ECT2: variants seen among roughly 807,000 people sequenced by gnomAD.
The protein encoded by ECT2 is protein ECT2.
In ECT2, 61 loss-of-function variants were observed where a neutral mutation model predicts 116.9. The ratio of observed to expected loss-of-function variants is 0.52; its 90% confidence interval spans 0.42 to 0.65. The LOEUF (loss-of-function observed/expected upper bound fraction) is 0.65, where lower values mean the gene tolerates loss of function less well. Ranked by LOEUF, ECT2 falls within the 30% of genes least tolerant of loss-of-function variation. The probability of loss-of-function intolerance (pLI) is 0.00; values close to 1 mark genes in which losing one functional copy is unlikely to be tolerated. For missense variants in ECT2, 937 were observed against 1,078.7 expected (o/e 0.87, Z 1.84); for synonymous variants, 358 against 346.4 (o/e 1.03, Z -0.37).
chr3:172,751,878 T>C (rs1008968330), intron 1 of ECT2, among the ~76,000 whole-genome samples: 1 of 152,220 alleles, frequency 6.6e-6, no homozygotes, highest in African/African-American at 2.4e-5. Context: ...TTTCCATTTC[T>C]AATCTGACTG....
At chr3:172,810,595 AG>A (rs1728597422) in intron 22 of ECT2, among the ~76,000 whole-genome samples, 1 of 152,136 alleles carries the variant, frequency 6.6e-6, no homozygotes, top group African/African-American at 2.4e-5. Flanking sequence ...AGAAGCTCTA[AG>A]TTATAGAGTT....
intron 21 of ECT2, 60 bp from the exon 22 acceptor site, chr3:172,807,710 A>G (rs1178102361): frequency 4.5e-6 from 7 of 1,539,484 alleles, no homozygotes; most frequent in South Asian, 2.5e-5. Flanking sequence ...CTAAACTTGC[A>G]TACATCTGTC....
chr3:172,818,913 G>GAATTCAC (rs1730258896), intron 24 of ECT2: 1 of 1,003,070 alleles, frequency 1.0e-6, no homozygotes, highest in African/African-American at 1.7e-5. Context: ...GGGAACTTTG[G>GAATTCAC]AATTCACAAT....
chr3:172,791,191 A>G (rs1396770035), intron 18 of ECT2, among the ~76,000 whole-genome samples: 1 of 152,236 alleles, frequency 6.6e-6, no homozygotes, highest in Non-Finnish European at 1.5e-5. Flanking sequence ...ATGTGCTGTC[A>G]TCCATGCTTT....
At chr3:172,771,316 G>GACCTTACC (rs1720593980) in intron 13 of ECT2, 1 of 152,190 alleles carries the variant, frequency 6.6e-6, no homozygotes, top group Non-Finnish European at 1.5e-5. Flanking sequence ...CTAGGGAAAG[G>GACCTTACC]TAAGTCTGAG....
chr3:172,760,302 C>A, intron 7 of ECT2, 39 bp downstream of exon 7: 1 of 1,287,090 alleles, frequency 7.8e-7, no homozygotes, highest in Non-Finnish European at 1.1e-6. Context: ...TTCAATACAG[C>A]ATTATTTTGG....
chr3:172,806,651 G>GTTTT (rs71162314), intron 21 of ECT2, among the ~76,000 whole-genome samples: 1 of 77,546 alleles, frequency 1.3e-5, no homozygotes, highest in African/African-American at 5.1e-5. Flanking sequence ...TTTTTTGTGG[G>GTTTT]TTTTTTTTTT....
At chr3:172,818,828 C>T (rs1730239343) in intron 24 of ECT2, 3 of 1,141,888 alleles carry the variant, frequency 2.6e-6, no homozygotes, top group East Asian at 6.7e-5. Flanking sequence ...AGCTTATTAG[C>T]TATTTAAAAT....
intron 7 of ECT2, among the ~76,000 whole-genome samples, chr3:172,760,712 C>CTT (rs60727631): frequency 0.017 from 1,287 of 76,214 alleles, 245 homozygotes; most frequent in African/African-American, 0.038. Flanking sequence ...GTCTAAGTGC[C>CTT]TTTTTTTTTT....
chr3:172,828,935 G>T, the ECT2 span: 4 of 1,467,674 alleles, frequency 2.7e-6, no homozygotes, highest in Admixed American at 1.7e-5. Context: ...CCCTGAACCA[G>T]CCACACCAAC....
chr3:172,826,941 C>T, the ECT2 span, among the ~76,000 whole-genome samples: 1 of 152,028 alleles, frequency 6.6e-6, no homozygotes, highest in Admixed American at 6.5e-5. Flanking sequence ...TTAAGTAATT[C>T]AATAGGAAAA....
chr3:172,752,472 G>A (rs1716079191), intron 1 of ECT2: 1 of 151,848 alleles, frequency 6.6e-6, no homozygotes, highest in African/African-American at 2.4e-5. Context: ...CCTTAAAGCA[G>A]GTTAGCTCAT....
In ECT2 at chr3:172,764,405, T is replaced by G; in HGVS notation, c.1196T>G (p.Phe399Cys). The change falls in exon 12 of 25, where the codon TTT becomes TGT. Residue 399 changes from phenylalanine to cysteine, a missense_variant. Physicochemically the swap from Phe to Cys is radical, Grantham distance 205. Transcript: ENST00000392692. ...TCAAGAGAGACAGACGTGTCACCAT[T>G]TCCACCCCGTAAGCGCCCATCAGCT... ...QLSRETDVSP[F>C]PPRKRPSAEH... The G allele has an allele frequency of 6.2e-7, 1 of 1,614,128 alleles. No individual in the cohort carries two copies. The highest frequency in any genetic ancestry group is 8.5e-7 in the Non-Finnish European group (1 of 1,179,992).
At chr3:172,824,238 G>A (rs1205903481), downstream of ECT2, among the ~76,000 whole-genome samples, 1 of 152,174 alleles carries the variant, frequency 6.6e-6, no homozygotes, top group East Asian at 1.9e-4. Flanking sequence ...AATTTATAAA[G>A]AAAAGAGATT....
chr3:172,809,598 C>T (rs1024257991), intron 22 of ECT2, among the ~76,000 whole-genome samples: 40 of 145,906 alleles, frequency 2.7e-4, no homozygotes, highest in East Asian at 8.0e-4. Context: ...CACACACACA[C>T]GCACACACAC....
chr3:172,815,039 G>T (rs186506025), intron 22 of ECT2, among the ~76,000 whole-genome samples: 3 of 152,258 alleles, frequency 2.0e-5, no homozygotes, highest in Admixed American at 2.0e-4. Flanking sequence ...TGAGGTCTTT[G>T]ATTCCTTTGG....
chr3:172,823,138 T>G (rs1229859050), downstream of ECT2, among the ~76,000 whole-genome samples: 1 of 152,138 alleles, frequency 6.6e-6, no homozygotes, highest in Admixed American at 6.5e-5. Context: ...GGATGTGAAT[T>G]TTCATCAATT....
chr3:172,772,175 A>G (rs1335701684), intron 13 of ECT2, among the ~76,000 whole-genome samples: 1 of 149,862 alleles, frequency 6.7e-6, no homozygotes, highest in African/African-American at 2.5e-5. Context: ...TCATTTTTGT[A>G]TCTTTTGGTA....
chr3:172,809,509 T>C (rs1344476253), intron 22 of ECT2, among the ~76,000 whole-genome samples: 5 of 151,936 alleles, frequency 3.3e-5, no homozygotes, highest in Non-Finnish European at 5.9e-5. Context: ...GTTCTACATA[T>C]AGTAAATGTT....
Sources: gnomAD v4.1 joint callset for allele counts (sites outside exome capture counted in the v4.1 genomes callset) on GRCh38, gnomAD v4.1.1 for gene constraint, MANE v1.5 for transcripts, NCBI Gene and HGNC (gene_info 2026-07-23, HGNC 2026-07-21) for gene names.